Variants in TP53INP1 observed in about 807,000 individuals in gnomAD.
TP53INP1 encodes tumor protein p53 inducible nuclear protein 1.
Under a neutral mutation model 21.0 loss-of-function variants are expected in TP53INP1, and 12 were observed. That is an observed-to-expected ratio of 0.57 (90% confidence interval 0.37 to 0.93). The LOEUF is 0.93. Ranked by LOEUF, TP53INP1 falls within the 40% of genes least tolerant of loss-of-function variation. The pLI is 0.01. For missense variants in TP53INP1, 274 were observed against 294.7 expected, an observed-to-expected ratio of 0.93 and a Z score of 0.51; for synonymous variants, 91 against 94.8, an observed-to-expected ratio of 0.96 and a Z score of 0.23.
intron 3 of TP53INP1, among the ~76,000 whole-genome samples, chr8:94,936,886 C>CA (rs1053645099): frequency 1.3e-5 from 2 of 152,108 alleles, no homozygotes; most frequent in African/African-American, 2.4e-5. Flanking sequence ...CTCTCAGGCA[C>CA]AAATACCAAT....
At position 94,929,311 on chromosome 8, in the gene TP53INP1, G is replaced by C. The variant is rs1236546946; in HGVS notation, c.*1168C>G. On this transcript the variant is annotated 3_prime_UTR_variant, in exon 4 of 4. Coordinates refer to ENST00000342697, the MANE Select transcript of TP53INP1 (RefSeq NM_033285.4). ...GAGGTAAATGTCACTGCTCCCCGTT[G>C]GTGGGGGAAACAGAGGCCAGAGTGG... is the stretch of plus-strand genomic sequence containing the variant. 1.3e-5 allele frequency: 2 copies of C among 151,972 alleles called. No individual in the cohort carries two copies. Among genetic ancestry groups the C allele is most frequent in the Admixed American group, 6.6e-5 (1 of 15,264 alleles). The allele number at this position is 151,972 out of a possible 1,614,324, so 9.4% of individuals were successfully genotyped here. A position where few individuals can be genotyped will look rare whatever the true frequency, so the allele number is the denominator to read the frequency against.
chr8:94,932,975 G>A (rs1217012456), intron 3 of TP53INP1, among the ~76,000 whole-genome samples: 1 of 152,198 alleles, frequency 6.6e-6, no homozygotes, highest in Non-Finnish European at 1.5e-5. Flanking sequence ...CCAGAACTTT[G>A]GGAGGTCAAG....
chr8:94,945,633 T>C (rs1362115708), intron 1 of TP53INP1: 1 of 152,190 alleles, frequency 6.6e-6, no homozygotes, highest in Non-Finnish European at 1.5e-5. Flanking sequence ...AATGGAAAAG[T>C]AGAGCTTTAG....
At chr8:94,935,096 TAGG>T (rs1820824728) in intron 3 of TP53INP1, among the ~76,000 whole-genome samples, 1 of 149,182 alleles carries the variant, frequency 6.7e-6, no homozygotes, top group South Asian at 2.1e-4. Context: ...AAACGGTAGG[TAGG>T]TAGGTAGGTA....
intron 3 of TP53INP1, among the ~76,000 whole-genome samples, chr8:94,936,407 A>G (rs1024099072): frequency 5.3e-5 from 8 of 152,202 alleles, no homozygotes; most frequent in Admixed American, 4.6e-4. Flanking sequence ...CACACTGCCA[A>G]TAGCTCTCAA....
intron 1 of TP53INP1, among the ~76,000 whole-genome samples, chr8:94,948,382 G>T (rs1822202627): frequency 6.6e-6 from 1 of 152,210 alleles, no homozygotes; most frequent in Non-Finnish European, 1.5e-5. Flanking sequence ...CCCCAGCATA[G>T]TATATGGCAC....
intron 3 of TP53INP1, 131 bp from the exon 4 acceptor site, chr8:94,930,859 TGACA>T (rs773190417): frequency 3.7e-6 from 4 of 1,079,714 alleles, no homozygotes; most frequent in Non-Finnish European, 5.2e-6. Flanking sequence ...GTTTCATGGC[TGACA>T]GACAAGTTTA....
chr8:94,936,318 T>C (rs1476733186), intron 3 of TP53INP1, among the ~76,000 whole-genome samples: 1 of 152,100 alleles, frequency 6.6e-6, no homozygotes, highest in Non-Finnish European at 1.5e-5. Flanking sequence ...ATGTAGGGAA[T>C]GTAAGAAGGA....
At chr8:94,939,667 G>A in intron 3 of TP53INP1, 193 bp downstream of exon 3, 1 of 779,796 alleles carries the variant, frequency 1.3e-6, no homozygotes, top group Non-Finnish European at 2.0e-6. Context: ...CAAAGTGCTG[G>A]GATTACAGGT....
In TP53INP1 at chr8:94,928,642, A is replaced by G. The variant is rs1490400534; in HGVS notation, c.*1837T>C. On this transcript the variant is annotated 3_prime_UTR_variant, in exon 4 of 4. Coordinates refer to ENST00000342697, the MANE Select transcript of TP53INP1 (RefSeq NM_033285.4). Reference sequence around the variant, plus strand: ...AAAGGGGGAATCTAACTCTTGTTCTAAAGAGACATTCTGGCACTTCATCAC... The same window carrying G: ...AAAGGGGGAATCTAACTCTTGTTCTGAAGAGACATTCTGGCACTTCATCAC... 5 of 152,316 alleles carry G rather than the reference A, an allele frequency of 3.3e-5. No individual in the cohort carries two copies. The highest frequency in any genetic ancestry group is 1.2e-4 in the African/African-American group (5 of 41,456). The allele number at this position is 152,316 out of a possible 1,614,324, so 9.4% of individuals were successfully genotyped here.
chr8:94,948,845 G>A (rs1031653601), intron 1 of TP53INP1, among the ~76,000 whole-genome samples: 6 of 152,134 alleles, frequency 3.9e-5, no homozygotes, highest in African/African-American at 1.2e-4. Flanking sequence ...AGGAGGCAGA[G>A]ACCAAACTCC....
chr8:94,939,158 G>T (rs976395894), intron 3 of TP53INP1, among the ~76,000 whole-genome samples: 2 of 152,142 alleles, frequency 1.3e-5, no homozygotes, highest in African/African-American at 4.8e-5. Context: ...GGTTTTCAAG[G>T]TTACATCATT....
At position 94,940,225 on chromosome 8, in the gene TP53INP1, A is replaced by G. The variant is rs1359867602; in HGVS notation, c.113-5T>C. The G allele has an allele frequency of 3.1e-6, 5 of 1,600,076 alleles. No individual in the cohort carries two copies. The highest frequency in any genetic ancestry group is 3.4e-5 in the Admixed American group (2 of 59,256). Reference sequence around the variant, plus strand: ...CTGAGAAACCAGTGCAAGTATCTAGATCGTAGTCCACATTGCAGTCCACAT... The same window carrying G: ...CTGAGAAACCAGTGCAAGTATCTAGGTCGTAGTCCACATTGCAGTCCACAT... On this transcript the variant is annotated splice_polypyrimidine_tract_variant and splice_region_variant and intron_variant, in intron 2 of 3. Coordinates refer to ENST00000342697, the MANE Select transcript of TP53INP1 (RefSeq NM_033285.4).
At chr8:94,931,587 T>TACACACAC (rs557721378) in intron 3 of TP53INP1, among the ~76,000 whole-genome samples, 2,581 of 68,596 alleles carry the variant, frequency 0.038, 60 homozygotes, top group African/African-American at 0.078. Context: ...ACATATTTAT[T>TACACACAC]ACACACACAC....
intron 3 of TP53INP1, among the ~76,000 whole-genome samples, chr8:94,931,801 A>G (rs953454877): frequency 6.6e-6 from 1 of 152,030 alleles, no homozygotes; most frequent in African/African-American, 2.4e-5. Context: ...GTGAAACCCC[A>G]TCTCTACTAA....
intron 3 of TP53INP1, among the ~76,000 whole-genome samples, chr8:94,931,388 C>T (rs1267655307): frequency 3.3e-5 from 5 of 151,900 alleles, no homozygotes; most frequent in Non-Finnish European, 5.9e-5. Flanking sequence ...CAATATAAGA[C>T]TCTTGAATAA....
At chr8:94,939,543 GCAC>G in intron 3 of TP53INP1, 1 of 310,508 alleles carries the variant, frequency 3.2e-6, no homozygotes, top group Non-Finnish European at 6.3e-6. Flanking sequence ...CTACAGGTGT[GCAC>G]CACCACACCT....
Position 94,930,368 on chromosome 8 carries a change from GTGAT to G in TP53INP1, c.*107_*110del. On this transcript the variant is annotated 3_prime_UTR_variant, in exon 4 of 4. Coordinates refer to ENST00000342697, the MANE Select transcript of TP53INP1 (RefSeq NM_033285.4). ...TGTCTAAATACACTGATAAAACTAT[GTGAT>G]TGGTTATCAATTGGTTGTAAAGAGA... is the stretch of plus-strand genomic sequence containing the variant. 7 of 1,426,380 alleles carry G rather than the reference GTGAT, an allele frequency of 4.9e-6. No individual in the cohort carries two copies. In the South Asian group the frequency reaches 6.7e-5, roughly 14 times the overall value. The allele number at this position is 1,426,380 out of a possible 1,614,324, so 88.4% of individuals were successfully genotyped here.
intron 1 of TP53INP1, among the ~76,000 whole-genome samples, chr8:94,941,874 A>G (rs1821570460): frequency 6.6e-6 from 1 of 152,162 alleles, no homozygotes; most frequent in African/African-American, 2.4e-5. Flanking sequence ...ATATTTATCC[A>G]TTTCTACCTG....
Sources: gnomAD v4.1 joint callset for allele counts (sites outside exome capture counted in the v4.1 genomes callset) on GRCh38, gnomAD v4.1.1 for gene constraint, MANE v1.5 for transcripts, NCBI Gene and HGNC (gene_info 2026-07-23, HGNC 2026-07-21) for gene names.